Variants in PARVB observed in about 807,000 individuals in gnomAD.
PARVB encodes the protein parvin beta, also known as beta-parvin.
Under a neutral mutation model 47.0 loss-of-function variants are expected in PARVB, and 46 were observed. That is an observed-to-expected ratio of 0.98 (90% CI 0.77 to 1.25). PARVB has a LOEUF of 1.25. Among genes scored for constraint, PARVB ranks in the 50% most tolerant of loss-of-function variants. The pLI, the probability that PARVB is intolerant of heterozygous loss-of-function variation, is 0.00. For missense variants in PARVB, 473 were observed against 471.6 expected (o/e 1.00, Z -0.03); for synonymous variants, 196 against 196.3 (o/e 1.00, Z 0.01).
intron 1 of PARVB, among the ~76,000 whole-genome samples, chr22:44,032,231 C>A (rs1020229617): frequency 6.6e-6 from 1 of 152,100 alleles, no homozygotes; most frequent in Admixed American, 6.5e-5. Context: ...TCTCTGGTTA[C>A]AAGAAAAAAA....
intron 2 of PARVB, among the ~76,000 whole-genome samples, chr22:44,004,941 A>G (rs1467617413): frequency 6.6e-6 from 1 of 152,218 alleles, no homozygotes; most frequent in Admixed American, 6.5e-5. Flanking sequence ...CTAAAAATGG[A>G]TGATTGATTT....
At chr22:44,041,139 A>T (rs988465074) in intron 1 of PARVB, among the ~76,000 whole-genome samples, 1 of 152,210 alleles carries the variant, frequency 6.6e-6, no homozygotes, top group East Asian at 1.9e-4. Flanking sequence ...GTGGAATAAA[A>T]CAAGTATAGA....
chr22:44,131,040 C>CCTCCCTCCCTCCCTCCCTCT (rs2053298572), intron 4 of PARVB, among the ~76,000 whole-genome samples: 1 of 108,144 alleles, frequency 9.2e-6, no homozygotes, highest in Non-Finnish European at 1.9e-5. Flanking sequence ...CCCCTTCCTC[C>CCTCCCTCCCTCCCTCCCTCT]CTCCCTCCCT....
At chr22:44,040,876 G>T (rs1017663622) in intron 1 of PARVB, among the ~76,000 whole-genome samples, 55 of 152,044 alleles carry the variant, frequency 3.6e-4, no homozygotes, top group African/African-American at 1.3e-3. Flanking sequence ...GGTGGCAGGC[G>T]CCTGTAGTCC....
Position 44,172,910 on chromosome 22 carries a change from T to C in PARVB, c.*4232T>C. 2 of 1,150,720 alleles carry C rather than the reference T, an allele frequency of 1.7e-6. No individual in the cohort carries two copies. The highest frequency in any genetic ancestry group is 2.3e-6 in the Non-Finnish European group (2 of 869,318). The allele number at this position is 1,150,720 out of a possible 1,614,324, so 71.3% of individuals were successfully genotyped here. A position where few individuals can be genotyped will look rare whatever the true frequency, so the allele number is the denominator to read the frequency against. On this transcript the variant is annotated 3_prime_UTR_variant, in exon 13 of 13. Coordinates refer to ENST00000338758, the MANE Select transcript of PARVB (RefSeq NM_013327.5). The stretch of plus-strand genomic sequence containing the variant: ...TGCCACGTGGCGTCACAGTATGCTG[T>C]TATTTATTCCAATAAAGACCTCGTG...
chr22:44,163,162 CCT>C (rs1410342362), intron 11 of PARVB, among the ~76,000 whole-genome samples: 2 of 152,188 alleles, frequency 1.3e-5, no homozygotes, highest in African/African-American at 4.8e-5. Flanking sequence ...CCTCAGTTTC[CCT>C]GTCTGTGAAA....
chr22:44,040,846 A>G (rs1004084677), intron 1 of PARVB, among the ~76,000 whole-genome samples: 4 of 151,868 alleles, frequency 2.6e-5, no homozygotes, highest in Admixed American at 6.6e-5. Context: ...TACTAAAAAT[A>G]CAAAAAATTA....
intron 10 of PARVB, among the ~76,000 whole-genome samples, chr22:44,156,491 C>G (rs1352959898): frequency 6.6e-6 from 1 of 152,148 alleles, no homozygotes; most frequent in Non-Finnish European, 1.5e-5. Flanking sequence ...GTTGGTCAGG[C>G]TGGTCTTGAA....
At chr22:44,044,412 G>A (rs150468372) in intron 1 of PARVB, among the ~76,000 whole-genome samples, 2 of 152,012 alleles carry the variant, frequency 1.3e-5, no homozygotes, top group Non-Finnish European at 2.9e-5. Flanking sequence ...GGATGGTCTC[G>A]ATCTCCTGAC....
rs371044281 is a variant in PARVB at position 44,007,972 on chromosome 22, C to T, written c.211+8299C>T. 1.4e-4 allele frequency among the ~76,000 whole-genome samples: 21 copies of T among 152,284 alleles called. No individual in the cohort carries two copies. In the East Asian group the frequency reaches 3.7e-3, roughly 27 times the overall value. On this transcript the variant is annotated intron_variant, in intron 2 of 13. Coordinates refer to the PARVB transcript ENST00000406477. ...ACACTAGCATCATGTCCTCAAAGTT[C>T]ATCTGCGTTGTAGGCTGAGTCAGAA...
chr22:44,126,130 G>A (rs1328948209), intron 4 of PARVB, among the ~76,000 whole-genome samples: 1 of 152,154 alleles, frequency 6.6e-6, no homozygotes, highest in Non-Finnish European at 1.5e-5. Context: ...CAGTGTACGT[G>A]TGAACCCAGC....
chr22:44,016,794 G>T (rs1034382898), intron 2 of PARVB, among the ~76,000 whole-genome samples: 2 of 152,076 alleles, frequency 1.3e-5, no homozygotes, highest in African/African-American at 4.8e-5. Flanking sequence ...TTGGCATCAC[G>T]TCAGTGCTCA....
At chr22:44,135,306 T>A (rs957451696) in intron 6 of PARVB, among the ~76,000 whole-genome samples, 1 of 152,114 alleles carries the variant, frequency 6.6e-6, no homozygotes, top group African/African-American at 2.4e-5. Flanking sequence ...TCACCCAGGC[T>A]GGAGTGCAGT....
chr22:44,151,764 G>A, intron 10 of PARVB: 1 of 536,064 alleles, frequency 1.9e-6, no homozygotes. Context: ...AAACCTAGTG[G>A]CTGAAACAAC....
chr22:44,029,130 A>G (rs2050780055), intron 1 of PARVB, among the ~76,000 whole-genome samples: 1 of 152,100 alleles, frequency 6.6e-6, no homozygotes, highest in South Asian at 2.1e-4. Context: ...GACTACAGGC[A>G]CATACCACCA....
At chr22:44,051,852 G>A (rs2051214404) in intron 1 of PARVB, among the ~76,000 whole-genome samples, 2 of 152,210 alleles carry the variant, frequency 1.3e-5, no homozygotes, top group South Asian at 4.1e-4. Context: ...TGTGACTGGG[G>A]CCTTTATGGG....
chr22:44,006,947 T>G (rs764621352), intron 2 of PARVB, among the ~76,000 whole-genome samples: 50 of 152,224 alleles, frequency 3.3e-4, no homozygotes, highest in Non-Finnish European at 6.8e-4. Context: ...CATCGCTGAA[T>G]CTTTCACCTG....
intron 1 of PARVB, among the ~76,000 whole-genome samples, chr22:44,028,977 A>T (rs989504285): frequency 2.6e-5 from 4 of 151,914 alleles, no homozygotes; most frequent in Admixed American, 6.6e-5. Context: ...TTTGTATTTT[A>T]TTTATTTTTA....
chr22:44,113,359 C>A (rs527910856), intron 3 of PARVB: 4 of 76,234 alleles, frequency 5.2e-5, no homozygotes, highest in African/African-American at 2.9e-4. Flanking sequence ...CTAACTAAGG[C>A]CCTGCACCAA....
Sources: allele counts gnomAD v4.1 joint callset (sites outside exome capture counted in the v4.1 genomes callset), GRCh38; gene constraint gnomAD v4.1.1; transcripts MANE v1.5; gene names NCBI Gene and HGNC (gene_info 2026-07-23, HGNC 2026-07-21).